Variants in TRIM22 observed in about 807,000 individuals in gnomAD.
The protein encoded by TRIM22 is E3 ubiquitin-protein ligase TRIM22.
TRIM22 carries 45 observed loss-of-function variants against 53.6 expected under a neutral mutation model. That is an observed-to-expected ratio of 0.84 (90% CI 0.66 to 1.08). The LOEUF is 1.08. Among genes scored for constraint, TRIM22 ranks in the 50% least tolerant of loss-of-function variants. The pLI is 0.00. For missense variants in TRIM22, 616 were observed against 590.9 expected (o/e 1.04, Z -0.44); for synonymous variants, 225 against 216.6 (o/e 1.04, Z -0.34).
chr11:5,698,096 T>A, intron 3 of TRIM22: 1 of 507,096 alleles, frequency 2.0e-6, no homozygotes, highest in Non-Finnish European at 3.6e-6. Context: ...TGTCTCAGAT[T>A]AGGCCTCAAT....
chr11:5,696,106 T>C, intron 1 of TRIM22, 61 bp from the exon 2 acceptor site: 1 of 805,120 alleles, frequency 1.2e-6, no homozygotes, highest in Non-Finnish European at 2.0e-6. Flanking sequence ...TCTAAATCTC[T>C]GTAAAAGCAG....
In TRIM22 at chr11:5,710,428, A is replaced by G. The variant is rs1244364123; in HGVS notation, c.*780A>G. ...ATCCACGTTATCTAGCAAAGTACAT[A>G]AGAATCTATCACTAAGTAATGTATC... On this transcript the variant is annotated 3_prime_UTR_variant, in exon 8 of 8. Coordinates refer to ENST00000379965, the MANE Select transcript of TRIM22 (RefSeq NM_006074.5). The G allele has an allele frequency of 6.6e-6, 1 of 152,222 alleles. No individual in the cohort carries two copies. The highest frequency in any genetic ancestry group is 1.5e-5 in the Non-Finnish European group (1 of 68,032). The allele number at this position is 152,222 out of a possible 1,614,324, so 9.4% of individuals were successfully genotyped here.
rs1853262381 is a variant in TRIM22, at chr11:5,696,466, TGA to T, written c.240_241del (p.Arg80SerfsTer18). The T allele has an allele frequency of 6.2e-7, 1 of 1,614,052 alleles. No homozygotes were observed. Among genetic ancestry groups the T allele is most frequent in the Non-Finnish European group, 8.5e-7 (1 of 1,180,040 alleles). ...RPNRHLANIV[E>X]RVKEVKMSPQ... ...CTAATCGGCATCTGGCCAACATAGT[TGA>T]GAGAGTCAAAGAGGTCAAGATGAGC... On this transcript the variant is annotated frameshift_variant, in exon 2 of 8. Transcript: ENST00000379965. LOFTEE classifies it high-confidence loss of function.
At chr11:5,690,515 A>G (rs1216936370) in intron 1 of TRIM22, among the ~76,000 whole-genome samples, 1 of 152,208 alleles carries the variant, frequency 6.6e-6, no homozygotes, top group African/African-American at 2.4e-5. Flanking sequence ...AAATAAGGAA[A>G]GGAATGTGAG....
At chr11:5,708,339 G>T (rs1454625137) in intron 6 of TRIM22, 66 bp downstream of exon 6, 25 of 1,488,222 alleles carry the variant, frequency 1.7e-5, no homozygotes, top group African/African-American at 2.8e-5. Flanking sequence ...TAGGGAAGCG[G>T]GAGGTTTTTT....
intron 4 of TRIM22, 95 bp from the exon 5 acceptor site, chr11:5,706,499 T>C (rs1853457888): frequency 2.6e-6 from 3 of 1,138,246 alleles, no homozygotes. Context: ...TAACAAAAAA[T>C]ATATTGTTTA....
intron 4 of TRIM22, among the ~76,000 whole-genome samples, chr11:5,701,363 T>C (rs1050450845): frequency 6.6e-6 from 1 of 152,194 alleles, no homozygotes; most frequent in Non-Finnish European, 1.5e-5. Context: ...TTGCTTAATA[T>C]TTTGGAGTAT....
chr11:5,693,051 T>A (rs1347047484), intron 1 of TRIM22, among the ~76,000 whole-genome samples: 2 of 151,442 alleles, frequency 1.3e-5, no homozygotes, highest in African/African-American at 4.8e-5. Flanking sequence ...AATGTTTGTA[T>A]ATATATATAT....
At chr11:5,697,574 GA>G in intron 3 of TRIM22, 1 of 431,964 alleles carries the variant, frequency 2.3e-6, no homozygotes, top group Non-Finnish European at 4.1e-6. Context: ...AAATATCTGT[GA>G]AAACGCTTCC....
chr11:5,699,810 C>A lies in TRIM22; in HGVS notation c.750+1265C>A, dbSNP rs1427389052. On this transcript the variant is annotated intron_variant, in intron 4 of 7. Coordinates refer to ENST00000379965, the MANE Select transcript of TRIM22 (RefSeq NM_006074.5). ...GTTTTGATTTGCTTTTTCCTAATAA[C>A]TAACACTGCTGAAAAGCTTATTATT... Among the ~76,000 whole-genome samples, 3 of 147,380 alleles carry A rather than the reference C, an allele frequency of 2.0e-5. No individual in the cohort carries two copies. The East Asian group carries it at 6.0e-4, about 30-fold the overall frequency.
chr11:5,694,878 T>C (rs1023981973), intron 1 of TRIM22, among the ~76,000 whole-genome samples: 1 of 152,134 alleles, frequency 6.6e-6, no homozygotes, highest in African/African-American at 2.4e-5. Context: ...TGTGTTAGGA[T>C]GTAAACACTT....
At chr11:5,695,617 G>A (rs1186737784) in intron 1 of TRIM22, among the ~76,000 whole-genome samples, 2 of 150,708 alleles carry the variant, frequency 1.3e-5, no homozygotes, top group Non-Finnish European at 2.9e-5. Flanking sequence ...TACAGTAATA[G>A]TTATATAGTT....
chr11:5,700,584 CTTTTTT>C (rs756680023), intron 4 of TRIM22, among the ~76,000 whole-genome samples: 5 of 29,926 alleles, frequency 1.7e-4, no homozygotes, highest in East Asian at 1.6e-3. Flanking sequence ...CTATAGGAGT[CTTTTTT>C]TTTTTTTTTT....
At position 5,697,534 on chromosome 11, in the gene TRIM22, C is replaced by T. The variant is rs139741647; in HGVS notation, c.519+191C>T. 1,275 of 488,460 alleles carry T rather than the reference C, an allele frequency of 2.6e-3. 33 individuals are homozygous for T. The Admixed American group carries it at 0.042, about 16-fold the overall frequency. The allele number at this position is 488,460 out of a possible 1,614,324, so 30.3% of individuals were successfully genotyped here. A position where few individuals can be genotyped will look rare whatever the true frequency, so the allele number is the denominator to read the frequency against. Reference sequence around the variant, plus strand: ...GGAGAGTAGACATATCATAAATCAACACTATATTTGGAAGTGAAGGCATGG... The same window carrying T: ...GGAGAGTAGACATATCATAAATCAATACTATATTTGGAAGTGAAGGCATGG... On this transcript the variant is annotated intron_variant, in intron 3 of 7. Transcript: ENST00000379965.
chr11:5,701,103 C>G (rs572670691), intron 4 of TRIM22, among the ~76,000 whole-genome samples: 1 of 152,154 alleles, frequency 6.6e-6, no homozygotes, highest in Non-Finnish European at 1.5e-5. Context: ...ATTTGTTTTA[C>G]TAACGTACTG....
At chr11:5,696,001 G>A (rs1437943662) in intron 1 of TRIM22, among the ~76,000 whole-genome samples, 166 bp from the exon 2 acceptor site, 1 of 152,162 alleles carries the variant, frequency 6.6e-6, no homozygotes, top group African/African-American at 2.4e-5. Flanking sequence ...TAAAGTGTTT[G>A]AAATTACTAC....
At chr11:5,705,536 G>A (rs1475641063) in intron 4 of TRIM22, among the ~76,000 whole-genome samples, 1 of 152,168 alleles carries the variant, frequency 6.6e-6, no homozygotes, top group East Asian at 1.9e-4. Context: ...TACAGGCAGT[G>A]AAACTATTTC....
chr11:5,699,317 G>T lies in TRIM22; in HGVS notation c.750+772G>T, dbSNP rs1853324260. On this transcript the variant is annotated intron_variant, in intron 4 of 7. Transcript: ENST00000379965. ...AGGCGGGTGGATCATGAGGTCAGGA[G>T]ATCGAGACCATCCTGGCTAACAAGG... is the stretch of plus-strand genomic sequence containing the variant. 1.6e-5 allele frequency among the ~76,000 whole-genome samples: 2 copies of T among 128,864 alleles called. 1 individual carries two copies. The highest frequency in any genetic ancestry group is 7.4e-5 in the African/African-American group (2 of 27,004). The allele number at this position is 128,864 out of a possible 152,430, so 84.5% of individuals were successfully genotyped here. A position where few individuals can be genotyped will look rare whatever the true frequency, so the allele number is the denominator to read the frequency against.
At chr11:5,697,392 G>C (rs1029209244) in intron 3 of TRIM22, 49 bp downstream of exon 3, 2 of 1,409,150 alleles carry the variant, frequency 1.4e-6, no homozygotes, top group Non-Finnish European at 2.0e-6. Flanking sequence ...ATCTGGGCAG[G>C]ACCCTGGGCT....
Sources: gnomAD v4.1 joint callset for allele counts (sites outside exome capture counted in the v4.1 genomes callset) on GRCh38, gnomAD v4.1.1 for gene constraint, MANE v1.5 for transcripts, NCBI Gene and HGNC (gene_info 2026-07-23, HGNC 2026-07-21) for gene names.